CTNNA3: variants seen among roughly 807,000 people sequenced by gnomAD.
CTNNA3 encodes the protein catenin alpha 3, also known as catenin alpha-3.
CTNNA3 carries 76 observed loss-of-function variants against 95.7 expected under a neutral mutation model. The observed-to-expected ratio is 0.79, with a 90% CI of 0.66 to 0.96. The LOEUF (loss-of-function observed/expected upper bound fraction) is 0.96. Ranked by LOEUF, CTNNA3 falls within the 40% of genes least tolerant of loss-of-function variation. The pLI is 0.00. For synonymous variants in CTNNA3, 431 were observed against 374.4 expected, an observed-to-expected ratio of 1.15 and a Z score of -1.74; for missense variants, 1,191 against 1,089.8, an observed-to-expected ratio of 1.09 and a Z score of -1.31.
At chr10:66,751,054 G>C (rs1027788018) in intron 9 of CTNNA3, among the ~76,000 whole-genome samples, 5 of 152,234 alleles carry the variant, frequency 3.3e-5, no homozygotes, top group African/African-American at 1.2e-4. Flanking sequence ...CGGATCACAA[G>C]GTCAGGAGTT....
intron 15 of CTNNA3, among the ~76,000 whole-genome samples, chr10:66,010,397 T>C (rs992591289): frequency 6.6e-6 from 1 of 152,168 alleles, no homozygotes; most frequent in African/African-American, 2.4e-5. Flanking sequence ...GAATTATTTT[T>C]AGGGGCTTTT....
At chr10:66,188,401 C>A (rs2086449376) in intron 13 of CTNNA3, among the ~76,000 whole-genome samples, 1 of 152,046 alleles carries the variant, frequency 6.6e-6, no homozygotes, top group Admixed American at 6.6e-5. Context: ...CTGGTAACCA[C>A]CATACTACTC....
intron 3 of CTNNA3, among the ~76,000 whole-genome samples, chr10:67,600,264 A>G (rs1437855756): frequency 6.6e-6 from 1 of 152,180 alleles, no homozygotes; most frequent in Non-Finnish European, 1.5e-5. Context: ...AAGCTTCCAG[A>G]TAGTAACGTA....
Position 66,710,688 on chromosome 10 carries a change from TC to T in CTNNA3, c.1281+55575del, listed in dbSNP as rs574949400. Among the ~76,000 whole-genome samples the T allele has an allele frequency of 8.6e-5, 13 of 152,012 alleles. No individual in the cohort carries two copies. In the South Asian group the frequency reaches 2.7e-3, roughly 32 times the overall value. On this transcript the variant is annotated intron_variant, in intron 9 of 17. Coordinates refer to ENST00000433211, the MANE Select transcript of CTNNA3 (RefSeq NM_013266.4). Reference sequence around the variant, plus strand: ...ATATAAATCTCTTTAATAATTTTTTTCCTAAAGTTATCTCTGTGATAATATA... The same window carrying T: ...ATATAAATCTCTTTAATAATTTTTTTCTAAAGTTATCTCTGTGATAATATA...
rs1491155133 is a variant in CTNNA3 at position 67,726,432 on chromosome 10, C to CATATATAATATT, written c.-2+37001_-2+37002insAATATTATATAT. Among the ~76,000 whole-genome samples the CATATATAATATT allele has an allele frequency of 1.4e-4, 7 of 51,408 alleles. 1 individual carries two copies. Among genetic ancestry groups the CATATATAATATT allele is most frequent in the African/African-American group, 1.5e-4 (1 of 6,656 alleles). The allele number at this position is 51,408 out of a possible 152,430, so 33.7% of individuals were successfully genotyped here. A position where few individuals can be genotyped will look rare whatever the true frequency, so the allele number is the denominator to read the frequency against. The stretch of plus-strand genomic sequence containing the variant: ...TCATATATAATATTATATATTATAT[C>CATATATAATATT]ATATATAATATATAATATTATATAT... On this transcript the variant is annotated intron_variant, in intron 1 of 17. Coordinates refer to the CTNNA3 transcript ENST00000684154.
chr10:67,581,521 T>A (rs145526093), intron 3 of CTNNA3, among the ~76,000 whole-genome samples: 2 of 152,206 alleles, frequency 1.3e-5, no homozygotes, highest in Non-Finnish European at 2.9e-5. Context: ...TAAAATTCTC[T>A]TTGTTTGTTG....
chr10:67,360,664 A>C (rs1399437034), intron 5 of CTNNA3, among the ~76,000 whole-genome samples: 1 of 152,142 alleles, frequency 6.6e-6, no homozygotes, highest in African/African-American at 2.4e-5. Context: ...GGGAGCTTCC[A>C]ATCATGGTGG....
intron 5 of CTNNA3, among the ~76,000 whole-genome samples, chr10:67,251,660 G>A (rs1041471325): frequency 6.6e-6 from 1 of 152,102 alleles, no homozygotes; most frequent in African/African-American, 2.4e-5. Context: ...AAGGGACGGG[G>A]GTTGGAAAAC....
At chr10:67,566,052 T>TATATATATATATATATATATATATAC (rs1564745650) in intron 3 of CTNNA3, among the ~76,000 whole-genome samples, 3 of 82,518 alleles carry the variant, frequency 3.6e-5, no homozygotes, top group Non-Finnish European at 7.1e-5. Flanking sequence ...TGTATATATA[T>TATATATATATATATATATATATATAC]ATATATATAT....
At chr10:66,033,702 G>T (rs1474521903) in intron 15 of CTNNA3, among the ~76,000 whole-genome samples, 1 of 151,904 alleles carries the variant, frequency 6.6e-6, no homozygotes, top group Non-Finnish European at 1.5e-5. Context: ...TATAGGCTTG[G>T]AATGGAAGAA....
intron 13 of CTNNA3, among the ~76,000 whole-genome samples, chr10:66,250,658 C>T (rs7094617): frequency 0.26 from 36,615 of 140,282 alleles, 4,690 homozygotes; most frequent in South Asian, 0.32. Context: ...GTTGTTTTAT[C>T]ATTATCAGTG....
intron 3 of CTNNA3, among the ~76,000 whole-genome samples, chr10:67,576,818 C>T (rs1842173090): frequency 9.3e-6 from 1 of 107,188 alleles, no homozygotes; most frequent in Admixed American, 8.9e-5. Context: ...GGTTTTTTGT[C>T]CTTGCAATAG....
Position 66,055,892 on chromosome 10 carries a change from A to G in CTNNA3, c.2159+13416T>C, listed in dbSNP as rs559215068. ...AGCCAAGGTCACACCACTGCACTCC[A>G]GCCTGGGCGACAGAGCGAGACTCCA... is the stretch of plus-strand genomic sequence containing the variant. On this transcript the variant is annotated intron_variant, in intron 15 of 17. Transcript: ENST00000433211. Among the ~76,000 whole-genome samples, 5 of 140,822 alleles carry G rather than the reference A, an allele frequency of 3.6e-5. No individual in the cohort carries two copies. The East Asian group carries it at 1.1e-3, about 31-fold the overall frequency. The allele number at this position is 140,822 out of a possible 152,430, so 92.4% of individuals were successfully genotyped here.
chr10:66,723,183 A>G (rs1032122522), intron 9 of CTNNA3, among the ~76,000 whole-genome samples: 7 of 152,184 alleles, frequency 4.6e-5, no homozygotes, highest in African/African-American at 1.7e-4. Context: ...AATTATTTGA[A>G]TATAAAATTA....
chr10:67,625,484 C>G (rs187341027), intron 2 of CTNNA3, among the ~76,000 whole-genome samples: 186 of 152,238 alleles, frequency 1.2e-3, no homozygotes, highest in African/African-American at 4.0e-3. Flanking sequence ...ATAGTCTAAA[C>G]CTGGAAAGCT....
intron 10 of CTNNA3, among the ~76,000 whole-genome samples, chr10:66,534,339 G>A (rs34943876): frequency 0.027 from 4,029 of 152,018 alleles, 240 homozygotes; most frequent in East Asian, 0.23. Flanking sequence ...TATTTAAATT[G>A]ACCTGAAACA....
intron 5 of CTNNA3, among the ~76,000 whole-genome samples, chr10:67,378,100 C>A (rs1475403815): frequency 6.6e-6 from 1 of 152,114 alleles, no homozygotes. Flanking sequence ...TCCCCCTACC[C>A]TTCTCAGACC....
intron 12 of CTNNA3, among the ~76,000 whole-genome samples, chr10:66,341,374 A>G (rs1183718290): frequency 6.6e-6 from 1 of 151,920 alleles, no homozygotes; most frequent in African/African-American, 2.4e-5. Context: ...AAAACCCCAT[A>G]TGTTTGGGTG....
intron 5 of CTNNA3, among the ~76,000 whole-genome samples, chr10:67,255,772 T>C (rs1327331562): frequency 2.0e-5 from 3 of 152,338 alleles, no homozygotes; most frequent in East Asian, 3.9e-4. Context: ...AGGTTCACAG[T>C]GTTTTAGTTT....
Sources: gnomAD v4.1 joint callset for allele counts (sites outside exome capture counted in the v4.1 genomes callset) on GRCh38, gnomAD v4.1.1 for gene constraint, MANE v1.5 for transcripts, NCBI Gene and HGNC (gene_info 2026-07-23, HGNC 2026-07-21) for gene names.